The following GRM8 variants were observed in gnomAD, a reference collection of about 807,000 sequenced individuals.
GRM8 encodes the protein glutamate metabotropic receptor 8.
A neutral mutation model predicts 87.2 loss-of-function variants in GRM8; 47 were observed. The observed-to-expected ratio is 0.54, with a 90% CI of 0.43 to 0.69. The LOEUF (loss-of-function observed/expected upper bound fraction) is 0.69, where lower values mean the gene tolerates loss of function less well. GRM8 is among the 30% of genes least tolerant of loss of function. GRM8 has a pLI of 0.00. For missense variants in GRM8, 1,019 were observed against 1,139.2 expected, an observed-to-expected ratio of 0.89 and a Z score of 1.52; for synonymous variants, 396 against 404.5, an observed-to-expected ratio of 0.98 and a Z score of 0.25.
chr7:126,511,076 G>T (rs1440340209), intron 9 of GRM8: 1 of 152,144 alleles, frequency 6.6e-6, no homozygotes, highest in Admixed American at 6.6e-5. Context: ...ATATTGAGAA[G>T]TCTGCCTTTT....
At chr7:126,646,262 AGAAGGAAGGAAG>A (rs201279417) in intron 7 of GRM8, among the ~76,000 whole-genome samples, 2,240 of 137,928 alleles carry the variant, frequency 0.016, 43 homozygotes, top group African/African-American at 0.045. Flanking sequence ...AAGGAGGGAA[AGAAGGAAGGAAG>A]GAAGGAAGGA....
chr7:126,789,956 C>T (rs958294778), intron 6 of GRM8, among the ~76,000 whole-genome samples: 1 of 151,974 alleles, frequency 6.6e-6, no homozygotes, highest in African/African-American at 2.4e-5. Flanking sequence ...TGAAATCCAA[C>T]TATTTTATTT....
At chr7:126,766,096 T>A (rs924066248) in intron 7 of GRM8, among the ~76,000 whole-genome samples, 6 of 152,134 alleles carry the variant, frequency 3.9e-5, no homozygotes, top group Admixed American at 1.3e-4. Context: ...TCTAACATAT[T>A]CTTTGCTTTG....
At chr7:127,031,667 A>G (rs1817377467) in intron 3 of GRM8, among the ~76,000 whole-genome samples, 1 of 152,204 alleles carries the variant, frequency 6.6e-6, no homozygotes, top group Non-Finnish European at 1.5e-5. Flanking sequence ...CAATATATGT[A>G]TAGAGTTCAC....
chr7:126,551,328 A>G (rs1412014506), intron 8 of GRM8, among the ~76,000 whole-genome samples: 1 of 151,880 alleles, frequency 6.6e-6, no homozygotes, highest in Non-Finnish European at 1.5e-5. Flanking sequence ...TTGAGATCTG[A>G]ACACTATCAC....
At chr7:126,618,544 A>C (rs1799773017) in intron 7 of GRM8, among the ~76,000 whole-genome samples, 1 of 152,236 alleles carries the variant, frequency 6.6e-6, no homozygotes, top group Non-Finnish European at 1.5e-5. Flanking sequence ...AATTAAACTA[A>C]GGAGCTTCTA....
intron 3 of GRM8, among the ~76,000 whole-genome samples, chr7:127,105,854 T>C (rs1333568300): frequency 3.9e-5 from 6 of 152,210 alleles, no homozygotes; most frequent in African/African-American, 7.2e-5. Flanking sequence ...AACCTCATCG[T>C]ACACATACAA....
At chr7:126,598,290 A>T (rs190190577) in intron 8 of GRM8, among the ~76,000 whole-genome samples, 1 of 152,018 alleles carries the variant, frequency 6.6e-6, no homozygotes, top group Non-Finnish European at 1.5e-5. Flanking sequence ...GACACCCTGA[A>T]TACTAGTAGA....
chr7:126,789,115 T>TA (rs1293645471), intron 6 of GRM8, among the ~76,000 whole-genome samples: 1 of 152,136 alleles, frequency 6.6e-6, no homozygotes, highest in Non-Finnish European at 1.5e-5. Context: ...GTATGATACA[T>TA]AACATGCAAT....
At chr7:126,984,784 TC>T (rs1227084054) in intron 3 of GRM8, among the ~76,000 whole-genome samples, 3 of 152,342 alleles carry the variant, frequency 2.0e-5, no homozygotes, top group African/African-American at 7.2e-5. Flanking sequence ...GAATCAAGTT[TC>T]TTTTTTATGA....
chr7:126,764,992 T>C lies in GRM8; in HGVS notation c.1357+4873A>G, dbSNP rs572199922. ...ACTTTCTAAATGTCACCTTTTTCTATAGGGAGTGGTCTGTGACAACCAAGT... is the reference window on the plus strand; with the variant it reads ...ACTTTCTAAATGTCACCTTTTTCTACAGGGAGTGGTCTGTGACAACCAAGT... On this transcript the variant is annotated intron_variant, in intron 7 of 10. Coordinates refer to ENST00000339582, the MANE Select transcript of GRM8 (RefSeq NM_000845.3). 3.2e-4 allele frequency among the ~76,000 whole-genome samples: 48 copies of C among 152,144 alleles called. No individual in the cohort carries two copies. The South Asian group carries it at 9.7e-3, about 31-fold the overall frequency.
rs557078173 is a variant in GRM8 at position 126,941,626 on chromosome 7, A to G, written c.728-36943T>C. 1.4e-3 allele frequency among the ~76,000 whole-genome samples: 220 copies of G among 152,070 alleles called. 1 individual carries two copies. The highest frequency in any genetic ancestry group is 5.0e-3 in the African/African-American group (208 of 41,510). On this transcript the variant is annotated intron_variant, in intron 3 of 10. Transcript: ENST00000339582. The stretch of plus-strand genomic sequence containing the variant: ...CAGAGCAAGACTCTGTCTCAAAAAA[A>G]AAAAAAAGAAAGAAAGAAAGTGTTT...
chr7:126,597,304 T>C (rs1419681971), intron 8 of GRM8, among the ~76,000 whole-genome samples: 1 of 152,084 alleles, frequency 6.6e-6, no homozygotes, highest in Non-Finnish European at 1.5e-5. Context: ...ATCACTGGCC[T>C]ATCTACAATG....
chr7:127,191,745 G>A lies in GRM8; in HGVS notation c.510+50950C>T, dbSNP rs902711963. ...ATATTTTCAACATTAGCTACCAAGA[G>A]GACAAATTTCTCATAACTGACTTTC... On this transcript the variant is annotated intron_variant, in intron 2 of 10. Transcript: ENST00000339582. Among the ~76,000 whole-genome samples the A allele has an allele frequency of 5.9e-5, 9 of 152,090 alleles. No homozygotes were observed. In the East Asian group the frequency reaches 1.3e-3, roughly 23 times the overall value.
At chr7:126,842,149 T>C (rs1232974401) in intron 6 of GRM8, among the ~76,000 whole-genome samples, 1 of 152,292 alleles carries the variant, frequency 6.6e-6, no homozygotes, top group East Asian at 1.9e-4. Context: ...GAGAAGAGAA[T>C]ACTCACTAAA....
intron 7 of GRM8, among the ~76,000 whole-genome samples, chr7:126,758,282 A>T (rs1252114837): frequency 1.3e-5 from 2 of 152,222 alleles, no homozygotes; most frequent in African/African-American, 4.8e-5. Context: ...CTTAAGCACG[A>T]ATTATCTCAT....
At chr7:127,190,108 A>C (rs17865988) in intron 2 of GRM8, among the ~76,000 whole-genome samples, 27 of 152,266 alleles carry the variant, frequency 1.8e-4, no homozygotes, top group African/African-American at 6.5e-4. Context: ...TTGGCTGGGG[A>C]AACAGGGATT....
chr7:127,141,970 C>T (rs1694495695), intron 2 of GRM8, among the ~76,000 whole-genome samples: 1 of 151,860 alleles, frequency 6.6e-6, no homozygotes, highest in South Asian at 2.1e-4. Context: ...TACTAGTTGA[C>T]TTGTCTGTTT....
rs1168682673 is a variant in GRM8, at chr7:127,135,617, CAAAAAAAAAA to C, written c.511-28915_511-28906del. ...TGGGCGACAGAGCGAGACTCCGTCTCAAAAAAAAAAAAAAAAAAAAAAAAAAAAAAAGAAT... is the reference window on the plus strand; with the variant it reads ...TGGGCGACAGAGCGAGACTCCGTCTCAAAAAAAAAAAAAAAAAAAAAGAAT... On this transcript the variant is annotated intron_variant, in intron 2 of 10. Coordinates refer to ENST00000339582, the MANE Select transcript of GRM8 (RefSeq NM_000845.3). Among the ~76,000 whole-genome samples the C allele has an allele frequency of 1.6e-4, 6 of 36,852 alleles. No homozygotes were observed. The East Asian group carries it at 2.3e-3, about 14-fold the overall frequency. The allele number at this position is 36,852 out of a possible 152,430, so 24.2% of individuals were successfully genotyped here. A position where few individuals can be genotyped will look rare whatever the true frequency, so the allele number is the denominator to read the frequency against.
Sources: allele counts gnomAD v4.1 joint callset (sites outside exome capture counted in the v4.1 genomes callset), GRCh38; gene constraint gnomAD v4.1.1; transcripts MANE v1.5; gene names NCBI Gene and HGNC (gene_info 2026-07-23, HGNC 2026-07-21).